Variants in REV3L observed in about 807,000 individuals in gnomAD.
REV3L encodes REV3 like, DNA directed polymerase zeta catalytic subunit, also known as DNA polymerase zeta catalytic subunit.
Under a neutral mutation model 299.4 loss-of-function variants are expected in REV3L, and 69 were observed. The observed-to-expected ratio is 0.23, with a 90% CI of 0.19 to 0.28. The LOEUF is 0.28. REV3L is among the 10% of genes least tolerant of loss of function. The pLI is 1.00. For synonymous variants in REV3L, 1,238 were observed against 1,271.4 expected, an observed-to-expected ratio of 0.97 and a Z score of 0.56; for missense variants, 3,128 against 3,693.8, an observed-to-expected ratio of 0.85 and a Z score of 3.97.
At chr6:111,346,486 G>C (rs1381428034) in intron 20 of REV3L, among the ~76,000 whole-genome samples, 1 of 152,092 alleles carries the variant, frequency 6.6e-6, no homozygotes, top group Non-Finnish European at 1.5e-5. Flanking sequence ...CAAAATTTAT[G>C]ATTACTATTA....
intron 5 of REV3L, among the ~76,000 whole-genome samples, chr6:111,391,962 C>G (rs1238306042): frequency 6.6e-6 from 1 of 152,250 alleles, no homozygotes; most frequent in Non-Finnish European, 1.5e-5. Flanking sequence ...GACCTCCGGT[C>G]TGGGCAACAG....
chr6:111,446,001 C>A (rs1425643725), intron 1 of REV3L, among the ~76,000 whole-genome samples: 1 of 152,148 alleles, frequency 6.6e-6, no homozygotes, highest in Non-Finnish European at 1.5e-5. Context: ...ACAATGGAGA[C>A]AGACTGAGGA....
intron 1 of REV3L, among the ~76,000 whole-genome samples, chr6:111,443,436 G>A (rs1301036486): frequency 6.6e-6 from 1 of 152,182 alleles, no homozygotes; most frequent in Admixed American, 6.5e-5. Context: ...GGTGGGCATT[G>A]TAGATACCTG....
At chr6:111,361,459 A>G (rs1027878099) in intron 16 of REV3L, 1 of 151,904 alleles carries the variant, frequency 6.6e-6, no homozygotes, top group Non-Finnish European at 1.5e-5. Context: ...GGATGAACAT[A>G]TGAAAAGACA....
At chr6:111,345,295 AT>A (rs1776913961) in intron 20 of REV3L, among the ~76,000 whole-genome samples, 1 of 152,172 alleles carries the variant, frequency 6.6e-6, no homozygotes, top group African/African-American at 2.4e-5. Flanking sequence ...TTAATATATA[AT>A]TAGGTTCCTA....
chr6:111,300,140 G>C lies in REV3L; in HGVS notation c.9269C>G (p.Thr3090Arg). The stretch of plus-strand genomic sequence containing the variant: ...TGGGATGTGTCGATCAAAGCAACCT[G>C]TACAGTTCTTGCATATCTGAAAGCA... Reference protein sequence around the residue: ...EQLVKICKNCTGCFDRHIPCV... With the variant: ...EQLVKICKNCRGCFDRHIPCV... The change falls in exon 32 of 32, where the codon ACA becomes AGA. Residue 3090 changes from threonine to arginine, a missense_variant. By Grantham distance (71) the Thr-to-Arg change is moderately conservative. Coordinates refer to ENST00000368802, the MANE Select transcript of REV3L (RefSeq NM_001372078.1). 1 of 1,603,294 alleles carries C rather than the reference G, an allele frequency of 6.2e-7. No homozygotes were observed. Among genetic ancestry groups the C allele is most frequent in the Non-Finnish European group, 8.5e-7 (1 of 1,176,178 alleles).
intron 16 of REV3L, among the ~76,000 whole-genome samples, chr6:111,359,318 T>C (rs1380317245): frequency 6.6e-6 from 1 of 152,110 alleles, no homozygotes; most frequent in Non-Finnish European, 1.5e-5. Context: ...CTAGTCCAAG[T>C]AGTTATACAA....
Position 111,412,243 on chromosome 6 carries a change from C to T in REV3L, c.330-689G>A, listed in dbSNP as rs897150450. 14 of 984,920 alleles carry T rather than the reference C, an allele frequency of 1.4e-5. No individual in the cohort carries two copies. In the African/African-American group the frequency reaches 2.1e-4, roughly 15 times the overall value. The allele number at this position is 984,920 out of a possible 1,614,324, so 61.0% of individuals were successfully genotyped here. On this transcript the variant is annotated intron_variant, in intron 2 of 31. Coordinates refer to ENST00000368802, the MANE Select transcript of REV3L (RefSeq NM_001372078.1). ...TTAAGAGACTGAAAAAGACCATGGACTTACTTAAGCAACATAATCATGTTA... is the reference window on the plus strand; with the variant it reads ...TTAAGAGACTGAAAAAGACCATGGATTTACTTAAGCAACATAATCATGTTA...
chr6:111,470,317 T>C (rs1439629565), intron 1 of REV3L, among the ~76,000 whole-genome samples: 1 of 152,240 alleles, frequency 6.6e-6, no homozygotes, highest in African/African-American at 2.4e-5. Flanking sequence ...TGCTTCACTG[T>C]TTCTTCTGTT....
chr6:111,482,998 G>T lies in REV3L; in HGVS notation c.-110C>A. ...CGGCGCCCCCTCCCCTTCTCGGCAC[G>T]GCCCCCTCCCCTCACACAGAGGCAC... On this transcript the variant is annotated 5_prime_UTR_variant, in exon 1 of 32. Coordinates refer to ENST00000368802, the MANE Select transcript of REV3L (RefSeq NM_001372078.1). 1.5e-6 allele frequency: 2 copies of T among 1,295,604 alleles called. No individual in the cohort carries two copies. Among genetic ancestry groups the T allele is most frequent in the Non-Finnish European group, 1.0e-6 (1 of 996,170 alleles). The allele number at this position is 1,295,604 out of a possible 1,614,324, so 80.3% of individuals were successfully genotyped here.
In REV3L at chr6:111,440,199, AGCTGGGATTACAG is replaced by A. The variant is rs1788093503; in HGVS notation, c.140-23740_140-23728del. On this transcript the variant is annotated intron_variant, in intron 1 of 31. Coordinates refer to ENST00000368802, the MANE Select transcript of REV3L (RefSeq NM_001372078.1). ...TTCCTACCTCGGCCTCCCTCCTAGTAGCTGGGATTACAGGCATGCGCCACCATGCCCGGCTAAT... is the reference window on the plus strand; with the variant it reads ...TTCCTACCTCGGCCTCCCTCCTAGTAGCATGCGCCACCATGCCCGGCTAAT... Among the ~76,000 whole-genome samples the A allele has an allele frequency of 2.0e-5, 3 of 151,912 alleles. No homozygotes were observed. The South Asian group carries it at 6.2e-4, about 31-fold the overall frequency.
chr6:111,465,118 CTTG>C (rs1352724334), intron 1 of REV3L, among the ~76,000 whole-genome samples: 3 of 129,806 alleles, frequency 2.3e-5, no homozygotes, highest in East Asian at 2.4e-4. Flanking sequence ...GAGTTTCTCT[CTTG>C]TTGTGCTGGA....
rs1298318898 is a variant in REV3L at position 111,367,295 on chromosome 6, T to C, written c.6493A>G (p.Lys2165Glu). 6.2e-7 allele frequency: 1 copy of C among 1,611,306 alleles called. No individual in the cohort carries two copies. Among genetic ancestry groups the C allele is most frequent in the African/African-American group, 1.3e-5 (1 of 74,622 alleles). Residue 2165 changes from lysine (K) to glutamate (E), a missense_variant, in exon 14 of 32, where the codon AAA (lysine) becomes GAA (glutamate). Physicochemically the swap from Lys to Glu is moderately conservative, Grantham distance 56. This residue lies in a region of REV3L where 2,409 missense variants were observed against 2,611.8 expected (regional missense o/e 0.92). Transcript: ENST00000368802. Reference protein sequence around the residue: ...LAFENFLKPIKDGIQKSPCSE... With the variant: ...LAFENFLKPIEDGIQKSPCSE... ...CAGGGGCTTTTTTGTATACCATCTT[T>C]TATTGGCTTTAAGAAGTTCTCAAAA...
chr6:111,333,411 A>T (rs1775585596), intron 22 of REV3L, 44 bp from the exon 23 acceptor site: 1 of 1,602,832 alleles, frequency 6.2e-7, no homozygotes, highest in Admixed American at 1.7e-5. Flanking sequence ...ACACAGTTAA[A>T]TATATTGGTC....
At chr6:111,398,862 A>AT (rs998328634) in intron 4 of REV3L, among the ~76,000 whole-genome samples, 13 of 152,122 alleles carry the variant, frequency 8.5e-5, no homozygotes, top group Admixed American at 2.0e-4. Context: ...GAAGATGTAA[A>AT]TTTTTTTATC....
At chr6:111,444,295 T>G (rs2128310748) in intron 1 of REV3L, among the ~76,000 whole-genome samples, 1 of 152,334 alleles carries the variant, frequency 6.6e-6, no homozygotes, top group Non-Finnish European at 1.5e-5. Flanking sequence ...TCAATCCAGA[T>G]AGATTCAAAT....
chr6:111,416,377 T>C lies in REV3L; in HGVS notation c.235A>G (p.Met79Val). The change falls in exon 2 of 32, where the codon ATG becomes GTG. Residue 79 changes from methionine to valine, a missense_variant. By Grantham distance (21) the Met-to-Val change is conservative (BLOSUM62 1). Transcript: ENST00000368802. ...GQQPESYLSQ[M>V]AFSIDRALNV... ...AGTGCTCTGTCGATACTGAATGCCA[T>C]CTGAGAAAGATAGCTTTCTGGCTGC... is the stretch of plus-strand genomic sequence containing the variant. The C allele has an allele frequency of 1.2e-6, 2 of 1,613,868 alleles. No individual in the cohort carries two copies. The highest frequency in any genetic ancestry group is 2.7e-5 in the African/African-American group (2 of 75,052).
chr6:111,423,452 G>T (rs1438010388), intron 1 of REV3L, among the ~76,000 whole-genome samples: 1 of 152,040 alleles, frequency 6.6e-6, no homozygotes, highest in Non-Finnish European at 1.5e-5. Context: ...AAGTGTAGGT[G>T]GGATGAAACA....
intron 9 of REV3L, among the ~76,000 whole-genome samples, chr6:111,385,621 A>C (rs1781266873): frequency 6.6e-6 from 1 of 152,096 alleles, no homozygotes; most frequent in Non-Finnish European, 1.5e-5. Flanking sequence ...CCCAAGGATA[A>C]CTTTTTTTTT....
Sources: gnomAD v4.1 joint callset for allele counts (sites outside exome capture counted in the v4.1 genomes callset) on GRCh38, gnomAD v4.1.1 for gene constraint, gnomAD v4.1.1 regional missense constraint, MANE v1.5 for transcripts, NCBI Gene and HGNC (gene_info 2026-07-23, HGNC 2026-07-21) for gene names.